The following GPR84 variants were observed in gnomAD, a reference collection of about 807,000 sequenced individuals.
GPR84 encodes the protein G-protein coupled receptor 84.
A neutral mutation model predicts 14.9 loss-of-function variants in GPR84; 8 were observed. The observed-to-expected ratio is 0.54, with a 90% CI of 0.31 to 0.97. The LOEUF (loss-of-function observed/expected upper bound fraction) is 0.97. Ranked by LOEUF, GPR84 falls within the 50% of genes least tolerant of loss-of-function variation. The pLI, the probability that GPR84 is intolerant of heterozygous loss-of-function variation, is 0.04. For synonymous variants in GPR84, 164 were observed against 198.1 expected, an observed-to-expected ratio of 0.83 and a Z score of 1.45; for missense variants, 424 against 498.7, an observed-to-expected ratio of 0.85 and a Z score of 1.43.
Position 54,363,714 on chromosome 12 carries a change from GGCCAAGGCC to G in GPR84, c.129_137del (p.Ala44_Ala46del). 6.2e-7 allele frequency: 1 copy of G among 1,614,066 alleles called. No homozygotes were observed. Among genetic ancestry groups the G allele is most frequent in the Non-Finnish European group, 8.5e-7 (1 of 1,179,988 alleles). On this transcript the variant is annotated inframe_deletion, in exon 2 of 2. Coordinates refer to ENST00000267015, the MANE Select transcript of GPR84 (RefSeq NM_020370.3). Reference sequence around the variant, plus strand: ...ATCGGGTACGGAGCTTGGGCTGGATGGCCAAGGCCAGTAGGGTGAGCACATTGCCCACGG... The same window carrying G: ...ATCGGGTACGGAGCTTGGGCTGGATGAGTAGGGTGAGCACATTGCCCACGG...
chr12:54,362,964 G>A lies in GPR84; in HGVS notation c.888C>T (p.Ala296=), dbSNP rs1279828698. 3 of 1,614,092 alleles carry A rather than the reference G, an allele frequency of 1.9e-6. No homozygotes were observed. The highest frequency in any genetic ancestry group is 2.5e-6 in the Non-Finnish European group (3 of 1,180,044). Residue 296 remains alanine, a synonymous_variant, in exon 2 of 2, where the codon GCC becomes GCT. Coordinates refer to ENST00000267015, the MANE Select transcript of GPR84 (RefSeq NM_020370.3). This position sits in a 1 kb window ranked among gnomAD's most constrained non-coding sequence, Gnocchi z 4.0. ...MAEKSPPEAS[A]KAQPIKGARR... ...TGGCTCCTTTAATTGGCTGGGCTTT[G>A]GCAGATGCTTCTGGAGGGCTTTTCT...
chr12:54,363,765 C>T lies in GPR84; in HGVS notation c.87G>A (p.Val29=). The T allele has an allele frequency of 1.2e-6, 2 of 1,613,884 alleles. No homozygotes were observed. The highest frequency in any genetic ancestry group is 1.7e-6 in the Non-Finnish European group (2 of 1,179,976). ...YRYVAVSWGV[V]VAVTGTVGNV... is the part of the protein sequence containing the mutation. Reference sequence around the variant, plus strand: ...TGCCCACGGTGCCTGTCACAGCCACCACCACCCCCCAGCTAACTGCAACAT... The same window carrying T: ...TGCCCACGGTGCCTGTCACAGCCACTACCACCCCCCAGCTAACTGCAACAT... Residue 29 remains valine (V), a synonymous_variant, in exon 2 of 2, where the codon GTG becomes GTA. Transcript: ENST00000267015.
chr12:54,355,575 T>C, the GPR84 span, among the ~76,000 whole-genome samples: 1 of 151,988 alleles, frequency 6.6e-6, no homozygotes, highest in East Asian at 1.9e-4. Context: ...CCAGGATCTG[T>C]AGAATGAAGA....
Position 54,363,782 on chromosome 12 carries a change from C to G in GPR84, c.70G>C (p.Val24Leu). 6.2e-7 allele frequency: 1 copy of G among 1,613,420 alleles called. No homozygotes were observed. The highest frequency in any genetic ancestry group is 8.5e-7 in the Non-Finnish European group (1 of 1,179,826). ...ACAGCCACCACCACCCCCCAGCTAA[C>G]TGCAACATAACGATAGCCCAGCACA... ...ESVLGYRYVA[V>L]SWGVVVAVTG... The change falls in exon 2 of 2, where the codon GTT becomes CTT. Residue 24 changes from valine (V) to leucine (L), a missense_variant. Val to Leu is a conservative substitution (Grantham distance 32). Coordinates refer to ENST00000267015, the MANE Select transcript of GPR84 (RefSeq NM_020370.3).
At chr12:54,358,302 C>T (rs1232354912), downstream of GPR84, among the ~76,000 whole-genome samples, 1 of 152,070 alleles carries the variant, frequency 6.6e-6, no homozygotes, top group African/African-American at 2.4e-5. Context: ...ACTCGTCTGT[C>T]CCCTTGCAGA....
At position 54,362,750 on chromosome 12, in the gene GPR84, C is replaced by T. The variant is rs373554035; in HGVS notation, c.1102G>A (p.Val368Met). Residue 368 changes from valine to methionine, a missense_variant, in exon 2 of 2, where the codon GTG becomes ATG. Coordinates refer to ENST00000267015, the MANE Select transcript of GPR84 (RefSeq NM_020370.3). The surrounding 1 kb of genome is among the most constrained non-coding windows in gnomAD (Gnocchi z 4.0). ...TGGCGGTTCATGGCTGCATAGAGCA[C>T]AGGGTTGATGCAACCATTGAGCCAG... is the stretch of plus-strand genomic sequence containing the variant. ...LTWLNGCINPVLYAAMNRQFR... is the reference protein window; with the variant it reads ...LTWLNGCINPMLYAAMNRQFR... The T allele has an allele frequency of 1.2e-6, 2 of 1,613,988 alleles. No homozygotes were observed. Among genetic ancestry groups the T allele is most frequent in the African/African-American group, 1.3e-5 (1 of 74,900 alleles).
At chr12:54,352,014 A>G in the GPR84 span, among the ~76,000 whole-genome samples, 1 of 151,432 alleles carries the variant, frequency 6.6e-6, no homozygotes, top group African/African-American at 2.4e-5. Context: ...CCTCCTTGGC[A>G]TCTCTCCGTC....
chr12:54,360,349 C>A (rs1217310704), downstream of GPR84, among the ~76,000 whole-genome samples: 1 of 123,764 alleles, frequency 8.1e-6, no homozygotes, highest in African/African-American at 2.5e-5. Context: ...GCACTGGGCA[C>A]GTGTTAAGAG....
At chr12:54,354,760 T>G in the GPR84 span, among the ~76,000 whole-genome samples, 1 of 152,084 alleles carries the variant, frequency 6.6e-6, no homozygotes, top group Non-Finnish European at 1.5e-5. Flanking sequence ...CTTTTCTTTT[T>G]CAATCTCTTC....
the GPR84 span, among the ~76,000 whole-genome samples, chr12:54,355,464 C>A: frequency 6.6e-6 from 1 of 152,118 alleles, no homozygotes; most frequent in Non-Finnish European, 1.5e-5. Flanking sequence ...ACTAGCCCCC[C>A]ATCTCCCAGT....
chr12:54,354,344 T>C, the GPR84 span, among the ~76,000 whole-genome samples: 3 of 152,118 alleles, frequency 2.0e-5, no homozygotes, highest in Non-Finnish European at 2.9e-5. Flanking sequence ...CTTGAACTCC[T>C]GGGCTCAAGT....
the GPR84 span, among the ~76,000 whole-genome samples, chr12:54,352,492 C>G: frequency 6.6e-6 from 1 of 152,124 alleles, no homozygotes; most frequent in African/African-American, 2.4e-5. Flanking sequence ...TTTTCTTTCC[C>G]CCTTCCTCTG....
intron 1 of GPR84, chr12:54,364,066 T>C: frequency 2.2e-6 from 1 of 463,014 alleles, no homozygotes; most frequent in Middle Eastern, 5.5e-4. Context: ...CATTCTCAAA[T>C]ATTTCCCCAA....
At chr12:54,359,388 C>A (rs926217701), downstream of GPR84, among the ~76,000 whole-genome samples, 9 of 132,870 alleles carry the variant, frequency 6.8e-5, no homozygotes, top group Non-Finnish European at 1.1e-4. Context: ...AGCGTGCGAA[C>A]GAGCAAGAAC....
chr12:54,363,582 G>T lies in GPR84; in HGVS notation c.270C>A (p.Ala90=). 6.2e-7 allele frequency: 1 copy of T among 1,614,074 alleles called. No homozygotes were observed. ...TYLHLHWRTG[A]TFCRVFGLLL... ...GGAGCCCAAATACCCTGCAGAAGGT[G>T]GCACCGGTGCGCCAGTGCAGGTGGA... The change falls in exon 2 of 2, where the codon GCC becomes GCA. Residue 90 remains alanine, a synonymous_variant. Coordinates refer to ENST00000267015, the MANE Select transcript of GPR84 (RefSeq NM_020370.3).
downstream of GPR84, among the ~76,000 whole-genome samples, chr12:54,361,357 TTTTA>T (rs1954267059): frequency 6.6e-6 from 1 of 151,746 alleles, no homozygotes; most frequent in African/African-American, 2.4e-5. The surrounding 1 kb of genome is among the most constrained non-coding windows in gnomAD (Gnocchi z 4.3). Flanking sequence ...AATTTTTGTA[TTTTA>T]TTTTATTTAT....
chr12:54,363,331 C>A lies in GPR84; in HGVS notation c.521G>T (p.Arg174Leu), dbSNP rs757387125. The change falls in exon 2 of 2, where the codon CGA (arginine) becomes CTA (leucine). Residue 174 changes from arginine to leucine, a missense_variant. Arg to Leu is a moderately radical substitution (Grantham distance 102). Coordinates refer to ENST00000267015, the MANE Select transcript of GPR84 (RefSeq NM_020370.3). Reference protein sequence around the residue: ...VVCTCSFDRIRGRPYTTILMG... With the variant: ...VVCTCSFDRILGRPYTTILMG... Reference sequence around the variant, plus strand: ...GAGGATGGTGGTGTAAGGCCGGCCTCGGATGCGGTCAAAGCTGCAGGTGCA... The same window carrying A: ...GAGGATGGTGGTGTAAGGCCGGCCTAGGATGCGGTCAAAGCTGCAGGTGCA... The A allele has an allele frequency of 3.7e-6, 6 of 1,614,010 alleles. No homozygotes were observed. Among genetic ancestry groups the A allele is most frequent in the South Asian group, 1.1e-5 (1 of 91,090 alleles).
the GPR84 span, among the ~76,000 whole-genome samples, chr12:54,355,353 T>TGTGTGTGCGCGC: frequency 1.3e-5 from 2 of 151,536 alleles, no homozygotes; most frequent in African/African-American, 4.8e-5. Context: ...TGTGTGTGTG[T>TGTGTGTGCGCGC]GCGCATGGCA....
Position 54,363,310 on chromosome 12 carries a change from A to T in GPR84, c.542T>A (p.Ile181Asn). 6.2e-7 allele frequency: 1 copy of T among 1,614,112 alleles called. No individual in the cohort carries two copies. The highest frequency in any genetic ancestry group is 8.5e-7 in the Non-Finnish European group (1 of 1,180,006). ...DRIRGRPYTT[I>N]LMGIYFVLGL... ...AAGCACAAAGTAGATGCCCATGAGG[A>T]TGGTGGTGTAAGGCCGGCCTCGGAT... is the stretch of plus-strand genomic sequence containing the variant. Residue 181 changes from isoleucine (I) to asparagine (N), a missense_variant, in exon 2 of 2, where the codon ATC (isoleucine) becomes AAC (asparagine). Transcript: ENST00000267015.
Sources: allele counts gnomAD v4.1 joint callset (sites outside exome capture counted in the v4.1 genomes callset), GRCh38; gene constraint gnomAD v4.1.1; non-coding constraint Gnocchi (gnomAD v3.1); transcripts MANE v1.5; gene names NCBI Gene and HGNC (gene_info 2026-07-23, HGNC 2026-07-21).